The following ALK variants were observed in gnomAD, a reference collection of about 807,000 sequenced individuals.
ALK encodes ALK receptor tyrosine kinase, also known as ALK tyrosine kinase receptor.
A neutral mutation model predicts 163.1 loss-of-function variants in ALK; 74 were observed. The ratio of observed to expected loss-of-function variants is 0.45; its 90% CI spans 0.38 to 0.55. The LOEUF (loss-of-function observed/expected upper bound fraction) is 0.55, where lower values mean the gene tolerates loss of function less well. ALK is among the 20% of genes least tolerant of loss of function. The pLI is 0.00. For synonymous variants in ALK, 960 were observed against 843.2 expected, an observed-to-expected ratio of 1.14 and a Z score of -2.40; for missense variants, 2,063 against 2,105.3, an observed-to-expected ratio of 0.98 and a Z score of 0.39.
Position 29,577,366 on chromosome 2 carries a change from C to T in ALK, c.953-45250G>A, listed in dbSNP as rs1177457829. On this transcript the variant is annotated intron_variant, in intron 3 of 28. Transcript: ENST00000389048. ...TGACATCTGTCATGGTCCTTGTATG[C>T]TCTGCTCAGTCACTTCCTCCCCTCC... is the stretch of plus-strand genomic sequence containing the variant. 2.6e-5 allele frequency among the ~76,000 whole-genome samples: 4 copies of T among 152,170 alleles called. No homozygotes were observed. The East Asian group carries it at 5.8e-4, about 22-fold the overall frequency.
intron 4 of ALK, among the ~76,000 whole-genome samples, chr2:29,457,485 C>A (rs1670984162): frequency 1.3e-5 from 2 of 152,110 alleles, no homozygotes; most frequent in Admixed American, 1.3e-4. Flanking sequence ...TGTGTATGGA[C>A]AGGTTTCCAT....
chr2:29,809,388 G>A (rs543668439), intron 1 of ALK, among the ~76,000 whole-genome samples: 193 of 152,268 alleles, frequency 1.3e-3, no homozygotes, highest in African/African-American at 3.6e-3. Flanking sequence ...CATCCTAATA[G>A]CAAGTAATAA....
intron 1 of ALK, chr2:29,890,260 A>G (rs1175292300): frequency 1.3e-5 from 2 of 152,200 alleles, no homozygotes; most frequent in Non-Finnish European, 2.9e-5. Flanking sequence ...TTAGTACCAT[A>G]CCTAACCTAA....
chr2:29,753,173 C>G (rs1390510113), intron 1 of ALK, among the ~76,000 whole-genome samples: 1 of 152,208 alleles, frequency 6.6e-6, no homozygotes, highest in Non-Finnish European at 1.5e-5. Context: ...CCAATGTTCC[C>G]AGCACTGAAG....
chr2:29,683,719 A>G (rs758601924), intron 3 of ALK, among the ~76,000 whole-genome samples: 1 of 152,086 alleles, frequency 6.6e-6, no homozygotes, highest in Non-Finnish European at 1.5e-5. Context: ...CCATTCCCAG[A>G]TATGATGTTA....
chr2:29,685,028 CT>C (rs746212942), intron 3 of ALK, among the ~76,000 whole-genome samples: 2 of 152,218 alleles, frequency 1.3e-5, no homozygotes, highest in Non-Finnish European at 2.9e-5. Flanking sequence ...ACTAGTTCAT[CT>C]TCGATTATCA....
chr2:29,207,857 G>C (rs1258644882), intron 25 of ALK, among the ~76,000 whole-genome samples: 1 of 152,216 alleles, frequency 6.6e-6, no homozygotes, highest in Non-Finnish European at 1.5e-5. Flanking sequence ...GTTTTCATCA[G>C]TAATGTCATT....
chr2:29,197,722 C>T (rs2148143771), intron 26 of ALK, 46 bp from the exon 27 acceptor site: 3 of 1,481,146 alleles, frequency 2.0e-6, no homozygotes, highest in South Asian at 1.1e-5. Context: ...GACACACCCA[C>T]CCACATTCAC....
intron 1 of ALK, among the ~76,000 whole-genome samples, chr2:29,858,394 C>A (rs371127240): frequency 6.6e-6 from 1 of 152,046 alleles, no homozygotes; most frequent in East Asian, 1.9e-4. Flanking sequence ...GAACCACCCC[C>A]CTCTCGCACA....
chr2:29,542,159 G>A (rs1317317897), intron 3 of ALK, among the ~76,000 whole-genome samples: 1 of 152,024 alleles, frequency 6.6e-6, no homozygotes, highest in Non-Finnish European at 1.5e-5. Context: ...TCAGAGGGAG[G>A]GCAAAGGGAA....
intron 4 of ALK, among the ~76,000 whole-genome samples, chr2:29,478,147 A>G (rs1671572962): frequency 6.6e-6 from 1 of 152,216 alleles, no homozygotes; most frequent in African/African-American, 2.4e-5. Flanking sequence ...TAGAAATATG[A>G]GGATTGATAT....
At chr2:29,767,796 C>T (rs1680904087) in intron 1 of ALK, among the ~76,000 whole-genome samples, 1 of 152,198 alleles carries the variant, frequency 6.6e-6, no homozygotes, top group Admixed American at 6.5e-5. Context: ...TGCCACTCAT[C>T]TGTATAATGT....
intron 11 of ALK, among the ~76,000 whole-genome samples, chr2:29,251,784 C>G (rs143372652): frequency 1.1e-3 from 161 of 152,276 alleles, no homozygotes; most frequent in African/African-American, 3.7e-3. Flanking sequence ...ATAGGAGCCT[C>G]TTAGCTTGGA....
chr2:29,766,635 C>T (rs1189041900), intron 1 of ALK, among the ~76,000 whole-genome samples: 2 of 152,176 alleles, frequency 1.3e-5, no homozygotes, highest in African/African-American at 4.8e-5. Flanking sequence ...CTCAGCAGGA[C>T]CATAACCCTT....
chr2:29,422,203 A>G (rs1395171033), intron 4 of ALK, among the ~76,000 whole-genome samples: 1 of 151,486 alleles, frequency 6.6e-6, no homozygotes, highest in Admixed American at 6.6e-5. Context: ...GTCTTCAAAG[A>G]ACTTTAATGA....
intron 3 of ALK, among the ~76,000 whole-genome samples, chr2:29,570,147 C>T (rs1048757357): frequency 6.6e-6 from 1 of 152,162 alleles, no homozygotes; most frequent in African/African-American, 2.4e-5. Context: ...TCTCATTAGA[C>T]TCTCTAGGGC....
chr2:29,803,177 G>A (rs1190426261), intron 1 of ALK, among the ~76,000 whole-genome samples: 2 of 152,204 alleles, frequency 1.3e-5, no homozygotes, highest in East Asian at 3.9e-4. Flanking sequence ...AACAAAAAGT[G>A]GCAATTTGGG....
At position 29,549,991 on chromosome 2, in the gene ALK, A is replaced by G. The variant is rs551440594; in HGVS notation, c.953-17875T>C. Among the ~76,000 whole-genome samples the G allele has an allele frequency of 6.6e-5, 10 of 151,558 alleles. No homozygotes were observed. In the Middle Eastern group the frequency reaches 0.014, roughly 206 times the overall value. On this transcript the variant is annotated intron_variant, in intron 3 of 28. Coordinates refer to ENST00000389048, the MANE Select transcript of ALK (RefSeq NM_004304.5). ...AGCCCCTGGATAAAAAAGTGCTTCA[A>G]TTACTATTACAATTCAGGTCCCTTT...
At chr2:29,769,082 C>G (rs747310595) in intron 1 of ALK, among the ~76,000 whole-genome samples, 42 of 152,186 alleles carry the variant, frequency 2.8e-4, no homozygotes, top group Non-Finnish European at 6.0e-4. Context: ...GATCCACCCA[C>G]CTCGTCCTCC....
Sources: allele counts gnomAD v4.1 joint callset (sites outside exome capture counted in the v4.1 genomes callset), GRCh38; gene constraint gnomAD v4.1.1; transcripts MANE v1.5; gene names NCBI Gene and HGNC (gene_info 2026-07-23, HGNC 2026-07-21).